The following SMYD3 variants were observed in gnomAD, a reference collection of about 807,000 sequenced individuals.
The protein encoded by SMYD3 is histone-lysine N-methyltransferase SMYD3.
A neutral mutation model predicts 57.7 loss-of-function variants in SMYD3; 36 were observed. That is an observed-to-expected ratio of 0.62 (90% confidence interval 0.48 to 0.82). The LOEUF (loss-of-function observed/expected upper bound fraction) is 0.82. SMYD3 is among the 40% of genes least tolerant of loss of function. The pLI, the probability that SMYD3 is intolerant of heterozygous loss-of-function variation, is 0.00. For synonymous variants in SMYD3, 211 were observed against 195.0 expected (o/e 1.08, Z -0.68); for missense variants, 515 against 538.8 (o/e 0.96, Z 0.44).
chr1:245,847,335 T>A (rs2050716910), intron 10 of SMYD3, among the ~76,000 whole-genome samples: 4 of 152,244 alleles, frequency 2.6e-5, no homozygotes, highest in African/African-American at 7.2e-5. Context: ...TAGTTTTATG[T>A]TTGCATTGTA....
chr1:246,439,876 G>A (rs1486176505), intron 1 of SMYD3, among the ~76,000 whole-genome samples: 1 of 152,126 alleles, frequency 6.6e-6, no homozygotes, highest in Non-Finnish European at 1.5e-5. Flanking sequence ...CTTAAGCTTG[G>A]GAGGTCAAGG....
At chr1:246,125,075 A>ACACACACACACAC (rs1558250596) in intron 5 of SMYD3, among the ~76,000 whole-genome samples, 2 of 73,664 alleles carry the variant, frequency 2.7e-5, no homozygotes, top group Non-Finnish European at 6.9e-5. Context: ...CCGTCTCAAA[A>ACACACACACACAC]AAAAAAAAAA....
intron 5 of SMYD3, among the ~76,000 whole-genome samples, chr1:245,980,585 CAA>C (rs1264204953): frequency 1.3e-5 from 2 of 152,224 alleles, no homozygotes; most frequent in Non-Finnish European, 2.9e-5. Context: ...ACATGTAGAA[CAA>C]ATTAGGGTGA....
At chr1:246,254,296 CTTGAG>C (rs2063843572) in intron 5 of SMYD3, among the ~76,000 whole-genome samples, 1 of 152,208 alleles carries the variant, frequency 6.6e-6, no homozygotes, top group Non-Finnish European at 1.5e-5. Flanking sequence ...TTTTCCCCAT[CTTGAG>C]TTAATTTTTA....
intron 5 of SMYD3, among the ~76,000 whole-genome samples, chr1:246,119,818 T>C (rs1049533558): frequency 5.9e-5 from 9 of 152,216 alleles, no homozygotes; most frequent in Non-Finnish European, 1.3e-4. Context: ...CTATTTTTCT[T>C]AAGAATTCTA....
At chr1:246,489,671 G>T in intron 1 of SMYD3, among the ~76,000 whole-genome samples, 1 of 152,184 alleles carries the variant, frequency 6.6e-6, no homozygotes, top group East Asian at 1.9e-4. Flanking sequence ...GTCATTCAGA[G>T]AGAGAGAGAG....
chr1:245,927,920 A>T lies in SMYD3; in HGVS notation c.702+11T>A, dbSNP rs1427626989. 6.2e-7 allele frequency: 1 copy of T among 1,604,608 alleles called. No individual in the cohort carries two copies. The highest frequency in any genetic ancestry group is 8.5e-7 in the Non-Finnish European group (1 of 1,173,990). On this transcript the variant is annotated intron_variant, in intron 7 of 11. Transcript: ENST00000490107. The stretch of plus-strand genomic sequence containing the variant: ...AAAGAAGGCCAGGCTGGGAAGCATG[A>T]GTTTCCTTACCTCCTCTCCCACCTC...
chr1:246,358,029 G>T (rs1307297683), intron 1 of SMYD3, among the ~76,000 whole-genome samples: 1 of 152,140 alleles, frequency 6.6e-6, no homozygotes, highest in Non-Finnish European at 1.5e-5. Context: ...TGGCAGAATG[G>T]ATAAGAATTC....
intron 5 of SMYD3, among the ~76,000 whole-genome samples, chr1:246,247,483 A>T (rs11484980): frequency 0.042 from 6,035 of 144,286 alleles, 462 homozygotes; most frequent in African/African-American, 0.15. Flanking sequence ...ATATATATAT[A>T]TATTTTTTAA....
chr1:246,265,378 A>T (rs1229749194), intron 5 of SMYD3, among the ~76,000 whole-genome samples: 1 of 152,096 alleles, frequency 6.6e-6, no homozygotes, highest in East Asian at 1.9e-4. Context: ...ACCTCAAGCA[A>T]ACCTCCCTCC....
At chr1:246,299,323 T>C (rs1435959500) in intron 5 of SMYD3, among the ~76,000 whole-genome samples, 1 of 152,104 alleles carries the variant, frequency 6.6e-6, no homozygotes, top group Non-Finnish European at 1.5e-5. Context: ...AGAATGGCTA[T>C]TATTAAAAAC....
intron 5 of SMYD3, among the ~76,000 whole-genome samples, chr1:246,313,284 A>C (rs1039871892): frequency 1.3e-5 from 2 of 152,162 alleles, no homozygotes; most frequent in African/African-American, 4.8e-5. Context: ...TTATTACAGA[A>C]GACTTTTGAG....
intron 1 of SMYD3, among the ~76,000 whole-genome samples, chr1:246,434,036 C>T (rs1390050448): frequency 1.3e-5 from 2 of 152,148 alleles, no homozygotes; most frequent in African/African-American, 4.8e-5. Context: ...ACCCTCTAGT[C>T]AATAAATGGT....
At chr1:246,270,542 A>G (rs2064201222) in intron 5 of SMYD3, among the ~76,000 whole-genome samples, 1 of 152,186 alleles carries the variant, frequency 6.6e-6, no homozygotes, top group African/African-American at 2.4e-5. Context: ...TGACTCCTCT[A>G]AGTATCTCAT....
intron 5 of SMYD3, among the ~76,000 whole-genome samples, chr1:246,158,945 G>T (rs2062068925): frequency 6.6e-6 from 1 of 152,114 alleles, no homozygotes; most frequent in Admixed American, 6.5e-5. Context: ...CGTGAGATAT[G>T]CAGTACCGAG....
At chr1:245,996,723 T>C (rs1348731136) in intron 5 of SMYD3, among the ~76,000 whole-genome samples, 1 of 152,092 alleles carries the variant, frequency 6.6e-6, no homozygotes, top group Non-Finnish European at 1.5e-5. Context: ...ACAAATGAAG[T>C]GCAACAACAG....
chr1:245,848,521 G>T (rs1046202298), intron 10 of SMYD3, among the ~76,000 whole-genome samples: 3 of 152,038 alleles, frequency 2.0e-5, no homozygotes, highest in African/African-American at 7.2e-5. Flanking sequence ...GGATCCTCCT[G>T]CCTCAGCCTC....
chr1:245,864,317 A>T (rs943243275), intron 8 of SMYD3, among the ~76,000 whole-genome samples: 1 of 152,234 alleles, frequency 6.6e-6, no homozygotes, highest in Non-Finnish European at 1.5e-5. Flanking sequence ...ACAAATATTC[A>T]CAGCAGCATT....
chr1:246,065,317 G>A (rs2060322085), intron 5 of SMYD3, among the ~76,000 whole-genome samples: 1 of 152,210 alleles, frequency 6.6e-6, no homozygotes, highest in African/African-American at 2.4e-5. Context: ...TCAAAAAAGT[G>A]AGGACAGATG....
Sources: gnomAD v4.1 joint callset for allele counts (sites outside exome capture counted in the v4.1 genomes callset) on GRCh38, gnomAD v4.1.1 for gene constraint, MANE v1.5 for transcripts, NCBI Gene and HGNC (gene_info 2026-07-23, HGNC 2026-07-21) for gene names.